Variants in FHIT observed in about 807,000 individuals in gnomAD.
The protein encoded by FHIT is bis(5'-adenosyl)-triphosphatase.
Under a neutral mutation model 17.9 loss-of-function variants are expected in FHIT, and 19 were observed. The observed-to-expected ratio is 1.06, with a 90% CI of 0.74 to 1.56. FHIT has a LOEUF of 1.56. Ranked by LOEUF, FHIT falls within the 40% of genes most tolerant of loss-of-function variation. The probability of loss-of-function intolerance (pLI) is 0.00; values close to 1 mark genes in which losing one functional copy is unlikely to be tolerated. For synonymous variants in FHIT, 81 were observed against 69.7 expected (o/e 1.16, Z -0.81); for missense variants, 248 against 189.2 (o/e 1.31, Z -1.82).
At chr3:61,053,226 C>T (rs1559943868) in intron 2 of FHIT, among the ~76,000 whole-genome samples, 2 of 152,084 alleles carry the variant, frequency 1.3e-5, no homozygotes, top group Non-Finnish European at 2.9e-5. Context: ...TGGAATTCTT[C>T]AACCTGCCAT....
At chr3:60,066,548 C>T (rs568116438) in intron 5 of FHIT, among the ~76,000 whole-genome samples, 1 of 149,728 alleles carries the variant, frequency 6.7e-6, no homozygotes, top group African/African-American at 2.4e-5. Flanking sequence ...AAAACGCCAA[C>T]ATAACTTCTG....
chr3:61,004,028 G>A (rs2031275598), intron 3 of FHIT, among the ~76,000 whole-genome samples: 1 of 152,136 alleles, frequency 6.6e-6, no homozygotes, highest in Non-Finnish European at 1.5e-5. Flanking sequence ...ACTGTACTGA[G>A]TGTCTACTAA....
chr3:60,710,473 G>A (rs1372266287), intron 4 of FHIT, among the ~76,000 whole-genome samples: 2 of 152,208 alleles, frequency 1.3e-5, no homozygotes, highest in Non-Finnish European at 2.9e-5. Flanking sequence ...GCAAGGCATT[G>A]CCTCACTCGG....
At chr3:60,692,445 T>C (rs2041014399) in intron 4 of FHIT, among the ~76,000 whole-genome samples, 1 of 152,156 alleles carries the variant, frequency 6.6e-6, no homozygotes. Flanking sequence ...GTGGGACCAA[T>C]GTAATCACAA....
intron 7 of FHIT, among the ~76,000 whole-genome samples, chr3:59,985,437 C>T (rs1445912655): frequency 2.0e-5 from 3 of 152,094 alleles, no homozygotes; most frequent in South Asian, 2.1e-4. Context: ...TAACAAACTA[C>T]GTGGTCTAAG....
chr3:59,976,592 T>C (rs1708422187), intron 7 of FHIT, among the ~76,000 whole-genome samples: 1 of 151,888 alleles, frequency 6.6e-6, no homozygotes, highest in Non-Finnish European at 1.5e-5. Flanking sequence ...ATATTTAACA[T>C]CTCCAGGCAC....
chr3:60,692,310 C>T (rs782556339), intron 4 of FHIT, among the ~76,000 whole-genome samples: 6 of 152,154 alleles, frequency 3.9e-5, no homozygotes, highest in African/African-American at 4.8e-5. Context: ...AAGGTGTCTA[C>T]ATCCTAGTCC....
At chr3:60,310,332 TAAAG>T (rs1708883012) in intron 5 of FHIT, among the ~76,000 whole-genome samples, 4 of 152,090 alleles carry the variant, frequency 2.6e-5, no homozygotes, top group Admixed American at 2.6e-4. Flanking sequence ...GGTGCTCTCT[TAAAG>T]AAACTGGTGC....
rs191407349 is a variant in FHIT, at chr3:60,840,038, G to T, written c.-110-18027C>A. Among the ~76,000 whole-genome samples, 12 of 151,954 alleles carry T rather than the reference G, an allele frequency of 7.9e-5. No individual in the cohort carries two copies. The East Asian group carries it at 2.1e-3, about 27-fold the overall frequency. ...CCGGTGGCGAGGGTCCTTCAGCTCC[G>T]TGAGGAGCTCTCTAGCACTCAGTCC... On this transcript the variant is annotated intron_variant, in intron 3 of 9. Transcript: ENST00000492590.
At chr3:60,553,269 T>C (rs372493096) in intron 4 of FHIT, 6 of 257,364 alleles carry the variant, frequency 2.3e-5, no homozygotes, top group African/African-American at 6.9e-5. Context: ...AGTTAGCCTA[T>C]GGTCAAATTG....
At chr3:61,073,049 C>T (rs185949573) in intron 2 of FHIT, among the ~76,000 whole-genome samples, 4 of 152,064 alleles carry the variant, frequency 2.6e-5, no homozygotes, top group African/African-American at 9.7e-5. Context: ...AAGACATGTG[C>T]TGTAATGGAT....
intron 3 of FHIT, among the ~76,000 whole-genome samples, chr3:60,876,985 G>C (rs896640311): frequency 1.3e-5 from 2 of 152,144 alleles, no homozygotes; most frequent in Admixed American, 6.5e-5. Flanking sequence ...TAGGAAAAAG[G>C]CAAGCAAGAG....
intron 5 of FHIT, among the ~76,000 whole-genome samples, chr3:60,290,252 A>T (rs1707919834): frequency 6.6e-6 from 1 of 152,206 alleles, no homozygotes; most frequent in African/African-American, 2.4e-5. Flanking sequence ...GACAGCTTCT[A>T]AAATGGCTCC....
intron 4 of FHIT, among the ~76,000 whole-genome samples, chr3:60,604,187 GA>G (rs537692676): frequency 1.8e-3 from 279 of 152,286 alleles, no homozygotes; most frequent in Non-Finnish European, 3.5e-3. Context: ...GTGCACAGGT[GA>G]GTCTGGCCTT....
intron 5 of FHIT, among the ~76,000 whole-genome samples, chr3:60,513,804 G>A (rs11706913): frequency 0.16 from 24,125 of 152,124 alleles, 2,237 homozygotes; most frequent in Middle Eastern, 0.25. Flanking sequence ...TTTGTGCCCA[G>A]ATGTTGCCTT....
At chr3:60,934,585 G>A (rs922279342) in intron 3 of FHIT, among the ~76,000 whole-genome samples, 3 of 152,174 alleles carry the variant, frequency 2.0e-5, no homozygotes, top group Admixed American at 1.3e-4. Flanking sequence ...CACATGTAAC[G>A]TATATGATAA....
chr3:60,301,062 G>A (rs1475204234), intron 5 of FHIT, among the ~76,000 whole-genome samples: 2 of 151,852 alleles, frequency 1.3e-5, no homozygotes, highest in Non-Finnish European at 2.9e-5. Flanking sequence ...GTTCCCATTT[G>A]GGCTTCCCGT....
At chr3:59,774,760 G>C (rs1702228444) in intron 8 of FHIT, among the ~76,000 whole-genome samples, 1 of 152,180 alleles carries the variant, frequency 6.6e-6, no homozygotes, top group Non-Finnish European at 1.5e-5. Flanking sequence ...CCACACGTGA[G>C]ATTCAATACA....
intron 5 of FHIT, among the ~76,000 whole-genome samples, chr3:60,434,747 C>T (rs187459424): frequency 6.6e-6 from 1 of 152,232 alleles, no homozygotes; most frequent in African/African-American, 2.4e-5. Flanking sequence ...TTTCCTCCTG[C>T]ATTTTGCCTA....
Sources: gnomAD v4.1 joint callset for allele counts (sites outside exome capture counted in the v4.1 genomes callset) on GRCh38, gnomAD v4.1.1 for gene constraint, MANE v1.5 for transcripts, NCBI Gene and HGNC (gene_info 2026-07-23, HGNC 2026-07-21) for gene names.